Variants in KIRREL3 observed in about 807,000 individuals in gnomAD.
The protein encoded by KIRREL3 is kirre like nephrin family adhesion molecule 3.
Under a neutral mutation model 89.7 loss-of-function variants are expected in KIRREL3, and 36 were observed. The observed-to-expected ratio is 0.40, with a 90% CI of 0.31 to 0.53. The LOEUF is 0.53. KIRREL3 is among the 20% of genes least tolerant of loss of function. The pLI, the probability that KIRREL3 is intolerant of heterozygous loss-of-function variation, is 0.49. For synonymous variants in KIRREL3, 445 were observed against 441.4 expected, an observed-to-expected ratio of 1.01 and a Z score of -0.10; for missense variants, 864 against 1,056.6, an observed-to-expected ratio of 0.82 and a Z score of 2.53.
chr11:126,590,119 A>C (rs1378312509), intron 1 of KIRREL3, among the ~76,000 whole-genome samples: 1 of 152,212 alleles, frequency 6.6e-6, no homozygotes, highest in Non-Finnish European at 1.5e-5. Context: ...AGGGCTGCAT[A>C]CCTAACCATT....
intron 1 of KIRREL3, among the ~76,000 whole-genome samples, chr11:126,779,988 G>C (rs1251233169): frequency 6.6e-6 from 1 of 152,160 alleles, no homozygotes; most frequent in African/African-American, 2.4e-5. Context: ...ATCTAGTGGG[G>C]AAAGCTCGGC....
At position 126,462,035 on chromosome 11, in the gene KIRREL3, T is replaced by C. The variant is rs151194408; in HGVS notation, c.742+1122A>G. Among the ~76,000 whole-genome samples, 1 of 152,128 alleles carries C rather than the reference T, an allele frequency of 6.6e-6. No homozygotes were observed. The highest frequency in any genetic ancestry group is 1.5e-5 in the Non-Finnish European group (1 of 68,000). Reference sequence around the variant, plus strand: ...GACTCTTTAAACTGAACTAATCCAGTCTTGAGAGGAAGGCCCCTGGAACAC... The same window carrying C: ...GACTCTTTAAACTGAACTAATCCAGCCTTGAGAGGAAGGCCCCTGGAACAC... On this transcript the variant is annotated intron_variant, in intron 6 of 16. Transcript: ENST00000525144. The surrounding 1 kb of genome is among the most constrained non-coding windows in gnomAD (Gnocchi z 4.8).
Position 126,729,779 on chromosome 11 carries a change from G to A in KIRREL3, c.56-166867C>T, listed in dbSNP as rs1948539435. Among the ~76,000 whole-genome samples the A allele has an allele frequency of 6.6e-6, 1 of 152,166 alleles. No homozygotes were observed. Among genetic ancestry groups the A allele is most frequent in the Non-Finnish European group, 1.5e-5 (1 of 68,030 alleles). On this transcript the variant is annotated intron_variant, in intron 1 of 16. Transcript: ENST00000525144. The surrounding 1 kb of genome is among the most constrained non-coding windows in gnomAD (Gnocchi z 4.5). ...GCTTGGGAGGTTTCTGTGTCCAGAA[G>A]CACAATGGAGGGAGCCCCTGATCAT...
intron 1 of KIRREL3, among the ~76,000 whole-genome samples, chr11:126,712,948 G>A (rs1273585404): frequency 1.3e-5 from 2 of 152,134 alleles, no homozygotes; most frequent in African/African-American, 4.8e-5. Flanking sequence ...TAGGTATTAG[G>A]TGCTAGGTGT....
intron 1 of KIRREL3, among the ~76,000 whole-genome samples, chr11:126,787,109 G>A (rs925252171): frequency 1.3e-5 from 2 of 152,094 alleles, no homozygotes; most frequent in East Asian, 1.9e-4. Flanking sequence ...TTATGTGATC[G>A]GTAGGAGTGT....
rs994248687 is a variant in KIRREL3 at position 126,601,387 on chromosome 11, G to A, written c.56-38475C>T. 6.6e-6 allele frequency among the ~76,000 whole-genome samples: 1 copy of A among 152,202 alleles called. No homozygotes were observed. Among genetic ancestry groups the A allele is most frequent in the African/African-American group, 2.4e-5 (1 of 41,430 alleles). On this transcript the variant is annotated intron_variant, in intron 1 of 16. Coordinates refer to ENST00000525144, the MANE Select transcript of KIRREL3 (RefSeq NM_032531.4). This position sits in a 1 kb window ranked among gnomAD's most constrained non-coding sequence, Gnocchi z 5.8. ...AGGCGATGGGAACACAGCTCTGGGA[G>A]CACCTGCAATCTCATCTTGTTTCTT...
intron 4 of KIRREL3, among the ~76,000 whole-genome samples, chr11:126,514,606 A>G (rs7122679): frequency 0.37 from 56,344 of 152,136 alleles, 11,481 homozygotes; most frequent in African/African-American, 0.53. Context: ...ATTCTGAGAC[A>G]TGTTTTACAT....
intron 1 of KIRREL3, among the ~76,000 whole-genome samples, chr11:126,871,803 T>C (rs1231996226): frequency 6.6e-6 from 1 of 152,174 alleles, no homozygotes; most frequent in Non-Finnish European, 1.5e-5. Flanking sequence ...TGAAACCAGC[T>C]ATACTTTCAT....
rs1457926423 is a variant in KIRREL3, at chr11:126,571,585, A to T, written c.56-8673T>A. Among the ~76,000 whole-genome samples, 1 of 152,120 alleles carries T rather than the reference A, an allele frequency of 6.6e-6. No individual in the cohort carries two copies. Among genetic ancestry groups the T allele is most frequent in the Non-Finnish European group, 1.5e-5 (1 of 68,040 alleles). On this transcript the variant is annotated intron_variant, in intron 1 of 16. Coordinates refer to ENST00000525144, the MANE Select transcript of KIRREL3 (RefSeq NM_032531.4). The surrounding 1 kb of genome is among the most constrained non-coding windows in gnomAD (Gnocchi z 7.7). ...GCATGCCTTACCTTCTTTATTCCTC[A>T]TCAAAACTCTATAAGGTAAGTGCTG...
Position 126,523,477 on chromosome 11 carries a change from T to G in KIRREL3, c.284-2013A>C, listed in dbSNP as rs936645599. Among the ~76,000 whole-genome samples, 1 of 152,130 alleles carries G rather than the reference T, an allele frequency of 6.6e-6. No individual in the cohort carries two copies. Among genetic ancestry groups the G allele is most frequent in the African/African-American group, 2.4e-5 (1 of 41,432 alleles). ...TGTGCAGCTGGGCCCTTCAGACTCA[T>G]GTCTTCATGGCTACCATCCTCATCA... On this transcript the variant is annotated intron_variant, in intron 3 of 16. Transcript: ENST00000525144. This position sits in a 1 kb window ranked among gnomAD's most constrained non-coding sequence, Gnocchi z 4.9.
At chr11:126,678,521 A>T (rs1591943174) in intron 1 of KIRREL3, among the ~76,000 whole-genome samples, 1 of 142,884 alleles carries the variant, frequency 7.0e-6, no homozygotes, top group South Asian at 2.4e-4. Context: ...AATGGCGTGA[A>T]CCTGGGAGAC....
Position 126,639,682 on chromosome 11 carries a change from T to C in KIRREL3, c.56-76770A>G, listed in dbSNP as rs1295016877. On this transcript the variant is annotated intron_variant, in intron 1 of 16. Transcript: ENST00000525144. This position sits in a 1 kb window ranked among gnomAD's most constrained non-coding sequence, Gnocchi z 4.3. ...GTACAATTAATATTCTCCCTGGTGT[T>C]GATTTTGTTCAAATATATTGGGCCC... Among the ~76,000 whole-genome samples the C allele has an allele frequency of 6.6e-6, 1 of 152,220 alleles. No individual in the cohort carries two copies. The highest frequency in any genetic ancestry group is 1.5e-5 in the Non-Finnish European group (1 of 68,042).
At position 126,526,006 on chromosome 11, in the gene KIRREL3, G is replaced by A. The variant is rs756473837; in HGVS notation, c.283+532C>T. On this transcript the variant is annotated intron_variant, in intron 3 of 16. Coordinates refer to ENST00000525144, the MANE Select transcript of KIRREL3 (RefSeq NM_032531.4). The surrounding 1 kb of genome is among the most constrained non-coding windows in gnomAD (Gnocchi z 5.7). ...TGCTGAATACCAGCCTGCCCAAGCCGAACATAGTTGGAAATTTATTTTTAA... is the reference window on the plus strand; with the variant it reads ...TGCTGAATACCAGCCTGCCCAAGCCAAACATAGTTGGAAATTTATTTTTAA... Among the ~76,000 whole-genome samples, 7 of 152,144 alleles carry A rather than the reference G, an allele frequency of 4.6e-5. No homozygotes were observed. Among genetic ancestry groups the A allele is most frequent in the Admixed American group, 1.3e-4 (2 of 15,278 alleles).
intron 1 of KIRREL3, among the ~76,000 whole-genome samples, chr11:126,914,506 C>G (rs1429334948): frequency 2.0e-5 from 3 of 152,224 alleles, no homozygotes; most frequent in Non-Finnish European, 4.4e-5. Context: ...AAGGAATATA[C>G]TGGCTGGGAT....
At position 126,981,644 on chromosome 11, in the gene KIRREL3, G is replaced by T. The variant is rs1240797920; in HGVS notation, c.55+18811C>A. Among the ~76,000 whole-genome samples, 23 of 152,198 alleles carry T rather than the reference G, an allele frequency of 1.5e-4. No individual in the cohort carries two copies. Among genetic ancestry groups the T allele is most frequent in the Admixed American group, 1.5e-3 (23 of 15,282 alleles). On this transcript the variant is annotated intron_variant, in intron 1 of 16. Transcript: ENST00000525144. This position sits in a 1 kb window ranked among gnomAD's most constrained non-coding sequence, Gnocchi z 4.2. Reference sequence around the variant, plus strand: ...CACTGTTAAAACCACACATTTGGGTGTCGGAGGAGGTCTCAGCCACACATG... The same window carrying T: ...CACTGTTAAAACCACACATTTGGGTTTCGGAGGAGGTCTCAGCCACACATG...
intron 1 of KIRREL3, among the ~76,000 whole-genome samples, chr11:126,658,518 G>A (rs1374948874): frequency 6.6e-6 from 1 of 152,150 alleles, no homozygotes; most frequent in East Asian, 1.9e-4. Context: ...AATAACCTCA[G>A]TAAGGTAATG....
At chr11:126,524,644 G>C (rs1220038229) in intron 3 of KIRREL3, among the ~76,000 whole-genome samples, 3 of 152,222 alleles carry the variant, frequency 2.0e-5, no homozygotes, top group Non-Finnish European at 4.4e-5. Context: ...TTGGTGACTA[G>C]AAAAACATTT....
In KIRREL3 at chr11:126,585,220, CTTTTTTTTTTTTT is replaced by C. The variant is rs3042225; in HGVS notation, c.56-22321_56-22309del. On this transcript the variant is annotated intron_variant, in intron 1 of 16. Transcript: ENST00000525144. ...AGGCGTGAGCCACCGCGCCCGGCCT[CTTTTTTTTTTTTT>C]TTTTTTTTTTTTTTGAGATAGAGTC... 9.3e-3 allele frequency among the ~76,000 whole-genome samples: 760 copies of C among 81,932 alleles called. 7 individuals carry two copies. The highest frequency in any genetic ancestry group is 0.041 in the African/African-American group (712 of 17,366). 53.8% of individuals were successfully genotyped at this position (81,932 alleles called of 152,430 possible). A position where few individuals can be genotyped will look rare whatever the true frequency, so the allele number is the denominator to read the frequency against.
chr11:126,828,533 G>A (rs911829449), intron 1 of KIRREL3, among the ~76,000 whole-genome samples: 1 of 152,156 alleles, frequency 6.6e-6, no homozygotes, highest in South Asian at 2.1e-4. Flanking sequence ...TAAACAGCAG[G>A]ACCAGGGGAG....
Sources: allele counts gnomAD v4.1 joint callset (sites outside exome capture counted in the v4.1 genomes callset), GRCh38; gene constraint gnomAD v4.1.1; non-coding constraint Gnocchi (gnomAD v3.1); transcripts MANE v1.5; gene names NCBI Gene and HGNC (gene_info 2026-07-23, HGNC 2026-07-21).